The following SYNE1 variants were observed in gnomAD, a reference collection of about 807,000 sequenced individuals.
SYNE1 encodes the protein spectrin repeat containing nuclear envelope protein 1, also known as nesprin-1.
In SYNE1, 616 loss-of-function variants were observed where a neutral mutation model predicts 1,111.0. The observed-to-expected ratio is 0.55, with a 90% CI of 0.52 to 0.59. SYNE1 has a LOEUF of 0.59. SYNE1 is among the 20% of genes least tolerant of loss of function. The probability of loss-of-function intolerance (pLI) is 0.00; values close to 1 mark genes in which losing one functional copy is unlikely to be tolerated. For synonymous variants in SYNE1, 3,855 were observed against 3,825.8 expected, an observed-to-expected ratio of 1.01 and a Z score of -0.28; for missense variants, 10,006 against 10,417.0, an observed-to-expected ratio of 0.96 and a Z score of 1.72.
At chr6:152,375,924 TC>T (rs2097272498) in intron 58 of SYNE1, 1 of 156,808 alleles carries the variant, frequency 6.4e-6, no homozygotes, top group African/African-American at 2.4e-5. Flanking sequence ...AATTTGAATT[TC>T]TTACGCAAAA....
intron 3 of SYNE1, among the ~76,000 whole-genome samples, chr6:152,551,528 A>G (rs2099346840): frequency 6.6e-6 from 1 of 152,192 alleles, no homozygotes; most frequent in Non-Finnish European, 1.5e-5. Context: ...GGTCCCTGAG[A>G]GTCCATCAGG....
intron 3 of SYNE1, among the ~76,000 whole-genome samples, chr6:152,560,981 C>T (rs2099393438): frequency 6.6e-6 from 1 of 152,062 alleles, no homozygotes; most frequent in African/African-American, 2.4e-5. Flanking sequence ...AAATGTTGAA[C>T]ATTTTTCCTC....
At chr6:152,609,281 T>C (rs1490173588) in intron 3 of SYNE1, among the ~76,000 whole-genome samples, 2 of 152,056 alleles carry the variant, frequency 1.3e-5, no homozygotes, top group African/African-American at 4.8e-5. Flanking sequence ...TACTGCACTT[T>C]TCCCAAGGTC....
At chr6:152,385,580 T>C (rs1020758642) in intron 55 of SYNE1, 94 bp downstream of exon 55, 2 of 1,446,028 alleles carry the variant, frequency 1.4e-6, no homozygotes, top group Admixed American at 3.5e-5. Context: ...GAAGGAAACA[T>C]TTTAAATAAC....
At chr6:152,354,388 C>T (rs2096797519) in intron 67 of SYNE1, among the ~76,000 whole-genome samples, 1 of 152,052 alleles carries the variant, frequency 6.6e-6, no homozygotes, top group Non-Finnish European at 1.5e-5. Flanking sequence ...TATTGTAATA[C>T]AAGCATTCAT....
chr6:152,387,574 A>T (rs1257116165), intron 53 of SYNE1, among the ~76,000 whole-genome samples, 193 bp from the exon 54 acceptor site: 1 of 152,220 alleles, frequency 6.6e-6, no homozygotes, highest in East Asian at 1.9e-4. Context: ...TCCTTTGAAC[A>T]AAGTCAATCT....
At chr6:152,575,822 T>A (rs1314321957) in intron 3 of SYNE1, among the ~76,000 whole-genome samples, 6 of 152,240 alleles carry the variant, frequency 3.9e-5, no homozygotes, top group Admixed American at 2.6e-4. Context: ...CATAGCACAG[T>A]GCCTGGAATG....
intron 3 of SYNE1, among the ~76,000 whole-genome samples, chr6:152,628,012 A>G (rs1341196818): frequency 6.8e-6 from 1 of 148,078 alleles, no homozygotes; most frequent in Non-Finnish European, 1.5e-5. Context: ...ATGAATAACC[A>G]TGTAAGACAT....
chr6:152,413,620 G>A lies in SYNE1; in HGVS notation c.6051-89C>T, dbSNP rs180788464. Reference sequence around the variant, plus strand: ...CGTAAGTATATGATGAGTCCATAAAGCACTCATTTAGACAGCTAGAAAAAC... The same window carrying A: ...CGTAAGTATATGATGAGTCCATAAAACACTCATTTAGACAGCTAGAAAAAC... On this transcript the variant is annotated intron_variant, in intron 41 of 145. Coordinates refer to ENST00000367255, the MANE Select transcript of SYNE1 (RefSeq NM_182961.4). 3.0e-6 allele frequency: 4 copies of A among 1,339,312 alleles called. No homozygotes were observed. In the East Asian group the frequency reaches 9.6e-5, roughly 32 times the overall value. The allele number at this position is 1,339,312 out of a possible 1,614,324, so 83.0% of individuals were successfully genotyped here.
chr6:152,427,937 C>A, intron 37 of SYNE1, 121 bp from the exon 38 acceptor site: 1 of 1,408,978 alleles, frequency 7.1e-7, no homozygotes, highest in Non-Finnish European at 9.8e-7. Flanking sequence ...TTATCTCAGT[C>A]TTAGATATGC....
chr6:152,258,234 T>C (rs1312432816), intron 101 of SYNE1, among the ~76,000 whole-genome samples: 1 of 152,182 alleles, frequency 6.6e-6, no homozygotes, highest in Non-Finnish European at 1.5e-5. Context: ...AAAAAGTTAT[T>C]TGACAATGAA....
Position 152,152,220 on chromosome 6 carries a change from G to A in SYNE1, c.24130-79C>T, listed in dbSNP as rs1453926876. The A allele has an allele frequency of 3.9e-6, 5 of 1,268,402 alleles. No homozygotes were observed. The East Asian group carries it at 9.2e-5, about 23-fold the overall frequency. 78.6% of individuals were successfully genotyped at this position (1,268,402 alleles called of 1,614,324 possible). A position where few individuals can be genotyped will look rare whatever the true frequency, so the allele number is the denominator to read the frequency against. ...AGTGGCTCCTGGTTTTCTTATTGTA[G>A]CGTCTGGGAGAATGGGAAGTTACAC... is the stretch of plus-strand genomic sequence containing the variant. On this transcript the variant is annotated intron_variant, in intron 133 of 145. Transcript: ENST00000367255.
At chr6:152,434,340 A>C (rs947348405) in intron 33 of SYNE1, 3 of 198,042 alleles carry the variant, frequency 1.5e-5, no homozygotes, top group Non-Finnish European at 3.1e-5. Flanking sequence ...ATTTCCAAAG[A>C]AATGTTCTTC....
At chr6:152,534,187 AATGAATGAATGAATG>A (rs1437159594) in intron 4 of SYNE1, among the ~76,000 whole-genome samples, 2 of 139,232 alleles carry the variant, frequency 1.4e-5, no homozygotes, top group South Asian at 2.2e-4. Flanking sequence ...TGAATGAATG[AATGAATGAATGAATG>A]AATAAATAAA....
chr6:152,545,735 C>G (rs907058235), intron 3 of SYNE1, among the ~76,000 whole-genome samples: 6 of 152,090 alleles, frequency 3.9e-5, no homozygotes, highest in Admixed American at 6.5e-5. Context: ...TTATGATAAA[C>G]TTTTTGGGGT....
intron 53 of SYNE1, among the ~76,000 whole-genome samples, chr6:152,388,891 A>T (rs1386994327): frequency 1.3e-5 from 2 of 152,240 alleles, no homozygotes; most frequent in Non-Finnish European, 2.9e-5. Flanking sequence ...GTTTTAGGAA[A>T]CTGGCCTAAG....
At chr6:152,145,958 G>A (rs1437765275) in intron 137 of SYNE1, 3 of 273,812 alleles carry the variant, frequency 1.1e-5, no homozygotes, top group African/African-American at 6.8e-5. Flanking sequence ...CCGGGAGGTG[G>A]AGGTTGCAGT....
At chr6:152,372,989 A>C (rs542321299) in intron 59 of SYNE1, 48 bp downstream of exon 59, 1 of 1,597,590 alleles carries the variant, frequency 6.3e-7, no homozygotes, top group African/African-American at 1.3e-5. Context: ...AACAACAACA[A>C]CAATAACAAA....
intron 11 of SYNE1, among the ~76,000 whole-genome samples, chr6:152,497,748 A>G (rs1213865516): frequency 6.6e-6 from 1 of 152,352 alleles, no homozygotes; most frequent in South Asian, 2.1e-4. Flanking sequence ...TATACTCAAC[A>G]TTCTCCTTTC....
Sources: allele counts gnomAD v4.1 joint callset (sites outside exome capture counted in the v4.1 genomes callset), GRCh38; gene constraint gnomAD v4.1.1; transcripts MANE v1.5; gene names NCBI Gene and HGNC (gene_info 2026-07-23, HGNC 2026-07-21).